RBFOX1: variants seen among roughly 807,000 people sequenced by gnomAD.
RBFOX1 encodes RNA binding fox-1 homolog 1.
Under a neutral mutation model 57.7 loss-of-function variants are expected in RBFOX1, and 8 were observed. The ratio of observed to expected loss-of-function variants is 0.14; its 90% CI spans 0.08 to 0.25. The LOEUF is 0.25. RBFOX1 is among the 10% of genes least tolerant of loss of function. The probability of loss-of-function intolerance (pLI) is 1.00; values close to 1 mark genes in which losing one functional copy is unlikely to be tolerated. For missense variants in RBFOX1, 611 were observed against 548.5 expected, an observed-to-expected ratio of 1.11 and a Z score of -1.14; for synonymous variants, 326 against 222.4, an observed-to-expected ratio of 1.47 and a Z score of -4.15.
chr16:6,942,924 C>T (rs562168701), intron 3 of RBFOX1, among the ~76,000 whole-genome samples: 1 of 152,194 alleles, frequency 6.6e-6, no homozygotes, highest in Admixed American at 6.5e-5. Context: ...ACCGACAGGG[C>T]TCGCATTGGA....
chr16:6,176,237 C>A (rs1431632406), intron 1 of RBFOX1, among the ~76,000 whole-genome samples: 1 of 151,862 alleles, frequency 6.6e-6, no homozygotes, highest in Non-Finnish European at 1.5e-5. Flanking sequence ...CCTCGGCCTC[C>A]CCAGTTCAAG....
chr16:6,646,142 G>T (rs975340868), intron 2 of RBFOX1, among the ~76,000 whole-genome samples: 1 of 152,036 alleles, frequency 6.6e-6, no homozygotes, highest in Non-Finnish European at 1.5e-5. Flanking sequence ...TGGTCGAGTG[G>T]GGCTGAAGTA....
intron 4 of RBFOX1, among the ~76,000 whole-genome samples, chr16:7,215,786 G>T (rs149747969): frequency 6.7e-6 from 1 of 149,044 alleles, no homozygotes; most frequent in Admixed American, 6.7e-5. Flanking sequence ...GTGCAGTGGC[G>T]TGATCTCGGC....
intron 4 of RBFOX1, among the ~76,000 whole-genome samples, chr16:5,956,679 T>TATATA (rs1555456310): frequency 1.9e-5 from 1 of 53,206 alleles, no homozygotes; most frequent in African/African-American, 8.5e-5. Context: ...TATATATATA[T>TATATA]TTTTTTTGAG....
intron 1 of RBFOX1, among the ~76,000 whole-genome samples, chr16:6,126,969 G>C (rs2096594175): frequency 6.6e-6 from 1 of 152,120 alleles, no homozygotes; most frequent in Non-Finnish European, 1.5e-5. Context: ...TAAAAAACAA[G>C]GAGGGTTTCA....
At chr16:5,438,422 A>G (rs1479234839) in intron 1 of RBFOX1, among the ~76,000 whole-genome samples, 1 of 152,176 alleles carries the variant, frequency 6.6e-6, no homozygotes. Flanking sequence ...AAAGCAGTGG[A>G]CAAGTGTAAT....
At chr16:6,541,442 G>T (rs2096817075) in intron 2 of RBFOX1, among the ~76,000 whole-genome samples, 1 of 152,224 alleles carries the variant, frequency 6.6e-6, no homozygotes, top group Non-Finnish European at 1.5e-5. Flanking sequence ...TGGTCACAGT[G>T]CAGGGATCAG....
intron 1 of RBFOX1, among the ~76,000 whole-genome samples, chr16:6,148,000 C>G (rs1260162821): frequency 6.6e-6 from 1 of 152,186 alleles, no homozygotes; most frequent in African/African-American, 2.4e-5. Flanking sequence ...ATTCTCAGAC[C>G]CTCCCTTTGG....
At chr16:6,770,959 C>T (rs6500824) in intron 3 of RBFOX1, among the ~76,000 whole-genome samples, 19,163 of 152,030 alleles carry the variant, frequency 0.13, 2,639 homozygotes, top group African/African-American at 0.34. Context: ...CCACTACCCC[C>T]GATTCAAATG....
At chr16:5,810,942 A>G (rs541699374) in intron 3 of RBFOX1, among the ~76,000 whole-genome samples, 2 of 152,264 alleles carry the variant, frequency 1.3e-5, no homozygotes, top group South Asian at 2.1e-4. Context: ...TGAGCTTTGC[A>G]TATACTTGTG....
chr16:6,795,188 C>G (rs1197424481), intron 3 of RBFOX1, among the ~76,000 whole-genome samples: 1 of 152,160 alleles, frequency 6.6e-6, no homozygotes, highest in East Asian at 1.9e-4. Flanking sequence ...TAATTCCAAG[C>G]TGGGTATAAT....
chr16:5,954,305 G>A (rs2059581110), intron 4 of RBFOX1, among the ~76,000 whole-genome samples: 1 of 152,146 alleles, frequency 6.6e-6, no homozygotes. Flanking sequence ...GCCCTCAGGT[G>A]AGCATCCTCC....
intron 3 of RBFOX1, among the ~76,000 whole-genome samples, chr16:6,665,988 C>A (rs1387628187): frequency 6.6e-6 from 1 of 152,054 alleles, no homozygotes; most frequent in Non-Finnish European, 1.5e-5. Flanking sequence ...TGGTTTCCCC[C>A]ACCCTGTTCT....
intron 3 of RBFOX1, among the ~76,000 whole-genome samples, chr16:5,843,391 G>A (rs1273035612): frequency 6.6e-6 from 1 of 152,116 alleles, no homozygotes; most frequent in Non-Finnish European, 1.5e-5. Flanking sequence ...GAGGTATTTG[G>A]TTTTCTGTTC....
intron 2 of RBFOX1, among the ~76,000 whole-genome samples, chr16:5,523,422 C>G (rs1379193340): frequency 6.6e-6 from 1 of 151,968 alleles, no homozygotes; most frequent in African/African-American, 2.4e-5. Flanking sequence ...TGGGACCAGC[C>G]TGAACAAGAT....
intron 2 of RBFOX1, among the ~76,000 whole-genome samples, chr16:6,642,655 AAGGT>A (rs1367510351): frequency 2.8e-5 from 3 of 107,700 alleles, no homozygotes; most frequent in Non-Finnish European, 6.5e-5. Flanking sequence ...ATGCCAAAGA[AAGGT>A]AGGGGACTCA....
chr16:6,644,327 C>A (rs1435667044), intron 2 of RBFOX1, among the ~76,000 whole-genome samples: 2 of 152,142 alleles, frequency 1.3e-5, no homozygotes, highest in African/African-American at 4.8e-5. Flanking sequence ...TTAAAATGCA[C>A]CTTGAATGCT....
chr16:5,510,155 C>T (rs990296889), intron 2 of RBFOX1, among the ~76,000 whole-genome samples: 4 of 152,214 alleles, frequency 2.6e-5, no homozygotes, highest in African/African-American at 9.6e-5. Context: ...GTTATTTAAC[C>T]TCTCTGTGCC....
intron 2 of RBFOX1, among the ~76,000 whole-genome samples, chr16:5,544,916 A>G (rs1288017194): frequency 6.8e-6 from 1 of 147,400 alleles, no homozygotes; most frequent in Non-Finnish European, 1.5e-5. Flanking sequence ...TCCCACAAAG[A>G]CAAATACAGG....
Sources: gnomAD v4.1 joint callset for allele counts (sites outside exome capture counted in the v4.1 genomes callset) on GRCh38, gnomAD v4.1.1 for gene constraint, MANE v1.5 for transcripts, NCBI Gene and HGNC (gene_info 2026-07-23, HGNC 2026-07-21) for gene names.